The following ALK variants were observed in gnomAD, a reference collection of about 807,000 sequenced individuals.
ALK encodes the protein ALK tyrosine kinase receptor.
ALK carries 74 observed loss-of-function variants against 163.1 expected under a neutral mutation model. That is an observed-to-expected ratio of 0.45 (90% CI 0.38 to 0.55). The LOEUF is 0.55. Among genes scored for constraint, ALK ranks in the 20% least tolerant of loss-of-function variants. The pLI is 0.00. For missense variants in ALK, 2,063 were observed against 2,105.3 expected (o/e 0.98, Z 0.39); for synonymous variants, 960 against 843.2 (o/e 1.14, Z -2.40).
intron 5 of ALK, among the ~76,000 whole-genome samples, chr2:29,344,323 T>C (rs1667885363): frequency 1.3e-5 from 2 of 152,212 alleles, no homozygotes; most frequent in African/African-American, 2.4e-5. Flanking sequence ...GGCAGGCTCA[T>C]GACTGCTTGG....
At chr2:29,283,988 T>A (rs1383726014) in intron 9 of ALK, among the ~76,000 whole-genome samples, 2 of 152,194 alleles carry the variant, frequency 1.3e-5, no homozygotes, top group African/African-American at 4.8e-5. Flanking sequence ...ATTCACGTTA[T>A]TTACTGACCG....
chr2:29,287,715 T>C (rs1431045333), intron 9 of ALK, among the ~76,000 whole-genome samples: 1 of 151,618 alleles, frequency 6.6e-6, no homozygotes, highest in African/African-American at 2.4e-5. Context: ...CTTCCTAAGC[T>C]CTTTGCCCAC....
intron 19 of ALK, chr2:29,224,676 T>C (rs1237855035): frequency 4.5e-6 from 1 of 222,010 alleles, no homozygotes; most frequent in Non-Finnish European, 9.0e-6. Context: ...AGATTAGGGT[T>C]ACCTGAGGAT....
chr2:29,418,614 C>G (rs1669939017), intron 4 of ALK, among the ~76,000 whole-genome samples: 1 of 152,190 alleles, frequency 6.6e-6, no homozygotes, highest in Non-Finnish European at 1.5e-5. Flanking sequence ...CACTGTTTAG[C>G]TCCCACGTAT....
chr2:29,222,508 A>T lies in ALK; in HGVS notation c.3450+9T>A, dbSNP rs2148169072. ...CCAAGGGCAGGCTCAAGAGTGAGCC[A>T]CTTCTTACCTTCACAGCCACTTGCA... On this transcript the variant is annotated intron_variant, in intron 21 of 28. Coordinates refer to ENST00000389048, the MANE Select transcript of ALK (RefSeq NM_004304.5). 1 of 1,614,102 alleles carries T rather than the reference A, an allele frequency of 6.2e-7. No homozygotes were observed. Among genetic ancestry groups the T allele is most frequent in the Non-Finnish European group, 8.5e-7 (1 of 1,179,974 alleles).
intron 4 of ALK, among the ~76,000 whole-genome samples, chr2:29,401,403 C>G (rs1669443175): frequency 6.6e-6 from 1 of 152,210 alleles, no homozygotes; most frequent in Non-Finnish European, 1.5e-5. Flanking sequence ...CCTTGACCCT[C>G]CCAGCCAACC....
intron 5 of ALK, among the ~76,000 whole-genome samples, chr2:29,378,722 C>A (rs989703528): frequency 6.6e-6 from 1 of 151,752 alleles, no homozygotes; most frequent in African/African-American, 2.4e-5. Context: ...CCCTCCCTCC[C>A]TCTCTTTCTT....
chr2:29,546,308 CA>C (rs896411073), intron 3 of ALK, among the ~76,000 whole-genome samples: 1 of 151,458 alleles, frequency 6.6e-6, no homozygotes, highest in East Asian at 1.9e-4. Flanking sequence ...GGGGTGTCAG[CA>C]AAAAAAGATA....
chr2:29,193,069 C>T lies in ALK; in HGVS notation c.*155G>A. ...ACCCATGCTCAAAACCTTTCTAAAG[C>T]ATTTTCAAAATACAGCTTTTTTGGT... On this transcript the variant is annotated 3_prime_UTR_variant, in exon 29 of 29. Coordinates refer to ENST00000389048, the MANE Select transcript of ALK (RefSeq NM_004304.5). The T allele has an allele frequency of 1.2e-6, 1 of 815,104 alleles. No homozygotes were observed. 50.5% of individuals were successfully genotyped at this position (815,104 alleles called of 1,614,324 possible).
chr2:29,331,692 G>A (rs1041277456), intron 5 of ALK, among the ~76,000 whole-genome samples: 1 of 152,226 alleles, frequency 6.6e-6, no homozygotes, highest in African/African-American at 2.4e-5. Flanking sequence ...GGGAGCTGAC[G>A]GGGCTGTGTC....
intron 12 of ALK, among the ~76,000 whole-genome samples, chr2:29,240,835 C>T (rs975077653): frequency 1.3e-5 from 2 of 152,186 alleles, no homozygotes; most frequent in African/African-American, 2.4e-5. Flanking sequence ...GTATGGGACT[C>T]GGCAGACTTT....
intron 4 of ALK, among the ~76,000 whole-genome samples, chr2:29,447,663 G>T (rs1263011834): frequency 6.6e-6 from 1 of 152,194 alleles, no homozygotes; most frequent in Admixed American, 6.5e-5. Flanking sequence ...GAGAGTGGCT[G>T]GGGGAGAGGT....
At chr2:29,422,468 G>A (rs1670037707) in intron 4 of ALK, among the ~76,000 whole-genome samples, 1 of 147,054 alleles carries the variant, frequency 6.8e-6, no homozygotes, top group Non-Finnish European at 1.5e-5. Flanking sequence ...CAAAATAATG[G>A]CAAAAGCCAC....
rs187200776 is a variant in ALK at position 29,239,777 on chromosome 2, C to A, written c.2258G>T (p.Arg753Leu). Residue 753 changes from arginine to leucine, a missense_variant, in exon 13 of 29, where the codon CGG becomes CTG. Arg to Leu is a moderately radical substitution (Grantham distance 102). Coordinates refer to ENST00000389048, the MANE Select transcript of ALK (RefSeq NM_004304.5). ...GCCCAGCACAGACACGCCGTGGGACCGCATCATGGTGTTCTTCCCGCCTTT... is the reference window on the plus strand; with the variant it reads ...GCCCAGCACAGACACGCCGTGGGACAGCATCATGGTGTTCTTCCCGCCTTT... ...GGKGGKNTMM[R>L]SHGVSVLGIF... 6.2e-7 allele frequency: 1 copy of A among 1,614,014 alleles called. No individual in the cohort carries two copies. Among genetic ancestry groups the A allele is most frequent in the East Asian group, 2.2e-5 (1 of 44,872 alleles).
intron 1 of ALK, among the ~76,000 whole-genome samples, chr2:29,889,202 G>A (rs530513671): frequency 1.3e-5 from 2 of 151,998 alleles, no homozygotes; most frequent in African/African-American, 4.8e-5. Flanking sequence ...AATGTTTCCA[G>A]GGATATACAA....
intron 3 of ALK, among the ~76,000 whole-genome samples, chr2:29,598,953 T>C (rs1372600706): frequency 6.6e-6 from 1 of 152,018 alleles, no homozygotes; most frequent in African/African-American, 2.4e-5. Flanking sequence ...CACTTAAAAG[T>C]ACATGTAAAA....
intron 4 of ALK, among the ~76,000 whole-genome samples, chr2:29,460,626 G>A (rs193249146): frequency 6.6e-6 from 1 of 152,120 alleles, no homozygotes; most frequent in Non-Finnish European, 1.5e-5. Context: ...ATTGGTTTGG[G>A]ATGCCAAAAA....
intron 1 of ALK, among the ~76,000 whole-genome samples, chr2:29,733,044 C>T (rs1679789683): frequency 1.3e-5 from 2 of 151,910 alleles, no homozygotes; most frequent in Admixed American, 6.6e-5. Context: ...AGCAGCCTTC[C>T]AGGGGGTTGG....
At chr2:29,469,565 G>T (rs1671297580) in intron 4 of ALK, among the ~76,000 whole-genome samples, 2 of 152,050 alleles carry the variant, frequency 1.3e-5, no homozygotes, top group South Asian at 4.2e-4. Flanking sequence ...TCCTAACTTT[G>T]GCCCTTTCTG....
Sources: allele counts gnomAD v4.1 joint callset (sites outside exome capture counted in the v4.1 genomes callset), GRCh38; gene constraint gnomAD v4.1.1; transcripts MANE v1.5; gene names NCBI Gene and HGNC (gene_info 2026-07-23, HGNC 2026-07-21).